Variants in ATP9A observed in about 807,000 individuals in gnomAD.
The protein encoded by ATP9A is probable phospholipid-transporting ATPase IIA.
Under a neutral mutation model 144.1 loss-of-function variants are expected in ATP9A, and 52 were observed. The observed-to-expected ratio is 0.36, with a 90% CI of 0.29 to 0.45. ATP9A has a LOEUF of 0.45. Among genes scored for constraint, ATP9A ranks in the 20% least tolerant of loss-of-function variants. The pLI, the probability that ATP9A is intolerant of heterozygous loss-of-function variation, is 1.00. For synonymous variants in ATP9A, 582 were observed against 557.4 expected (o/e 1.04, Z -0.62); for missense variants, 947 against 1,392.7 (o/e 0.68, Z 5.09).
At chr20:51,687,218 T>C (rs2122811969) in intron 9 of ATP9A, among the ~76,000 whole-genome samples, 1 of 152,238 alleles carries the variant, frequency 6.6e-6, no homozygotes, top group South Asian at 2.1e-4. Context: ...GGCCCAGGCA[T>C]GACCGTGCAG....
chr20:51,694,939 C>G (rs2077564186), intron 6 of ATP9A, among the ~76,000 whole-genome samples: 1 of 152,094 alleles, frequency 6.6e-6, no homozygotes, highest in Non-Finnish European at 1.5e-5. Context: ...AAATAGGACA[C>G]AAGAACGAAT....
intron 25 of ATP9A, 24 bp downstream of exon 25, chr20:51,608,494 G>A (rs2077172493): frequency 1.0e-5 from 15 of 1,431,560 alleles, no homozygotes; most frequent in Non-Finnish European, 1.5e-5. Flanking sequence ...AAGGAGGAAG[G>A]AGGGACTGAA....
chr20:51,669,137 G>C (rs973450375), intron 13 of ATP9A, among the ~76,000 whole-genome samples: 6 of 152,180 alleles, frequency 3.9e-5, no homozygotes, highest in African/African-American at 1.4e-4. Flanking sequence ...GAATTAGCAA[G>C]GGGTGTGTTT....
intron 11 of ATP9A, among the ~76,000 whole-genome samples, chr20:51,673,764 A>T (rs2077465880): frequency 6.6e-6 from 1 of 152,006 alleles, no homozygotes; most frequent in African/African-American, 2.4e-5. Flanking sequence ...CTCCTTCTAA[A>T]AGCCGATGGG....
At chr20:51,764,321 C>T (rs908267791) in intron 1 of ATP9A, among the ~76,000 whole-genome samples, 6 of 152,190 alleles carry the variant, frequency 3.9e-5, no homozygotes, top group African/African-American at 1.4e-4. Flanking sequence ...CTCCATTCAG[C>T]CATAAGCAAA....
At chr20:51,652,766 T>C (rs530297959) in intron 14 of ATP9A, among the ~76,000 whole-genome samples, 3 of 152,198 alleles carry the variant, frequency 2.0e-5, no homozygotes, top group South Asian at 2.1e-4. Context: ...TGTTCTACTA[T>C]AGACATAAAA....
chr20:51,679,343 AAAG>A (rs2077490633), intron 9 of ATP9A, among the ~76,000 whole-genome samples: 3 of 152,060 alleles, frequency 2.0e-5, no homozygotes, highest in African/African-American at 7.2e-5. Context: ...AATTCTAAAA[AAAG>A]AGATCTCTGG....
At chr20:51,740,480 C>A (rs1412718438) in intron 1 of ATP9A, among the ~76,000 whole-genome samples, 1 of 3,012 alleles carries the variant, frequency 3.3e-4, no homozygotes, top group Admixed American at 3.2e-3. Context: ...GAGGTCAAGG[C>A]GGGTGGATTA....
At chr20:51,753,986 T>A (rs192291720) in intron 1 of ATP9A, among the ~76,000 whole-genome samples, 1 of 152,006 alleles carries the variant, frequency 6.6e-6, no homozygotes, top group Non-Finnish European at 1.5e-5. Flanking sequence ...CTCTCATTTT[T>A]TTTTACATAG....
At chr20:51,651,010 G>A (rs370560028) in intron 14 of ATP9A, among the ~76,000 whole-genome samples, 1 of 147,942 alleles carries the variant, frequency 6.8e-6, no homozygotes, top group East Asian at 2.0e-4. Context: ...AGACAGTCTC[G>A]CTCTGTTGCC....
chr20:51,744,645 A>G (rs1345785438), intron 1 of ATP9A, among the ~76,000 whole-genome samples: 1 of 152,228 alleles, frequency 6.6e-6, no homozygotes, highest in Non-Finnish European at 1.5e-5. Flanking sequence ...TGAAAAAGGT[A>G]ACTAATGTAA....
At position 51,618,972 on chromosome 20, in the gene ATP9A, G is replaced by C; in HGVS notation, c.2187C>G (p.Ile729Met). Reference sequence around the variant, plus strand: ...AGCTCACCTCCAGGGAGTCTCCCGAGATGACCAGGGCACAATCATGCTTCC... The same window carrying C: ...AGCTCACCTCCAGGGAGTCTCCCGACATGACCAGGGCACAATCATGCTTCC... ...FRRKHDCALV[I>M]SGDSLEVCLK... is the part of the protein sequence containing the mutation. The change falls in exon 20 of 28, where the codon ATC becomes ATG. Residue 729 changes from isoleucine to methionine, a missense_variant. Physicochemically the swap from Ile to Met is conservative, Grantham distance 10. Around this residue, in one of 2 missense-constraint regions of ATP9A, gnomAD observed 770 missense variants for 1,047.9 expected, o/e 0.73. Transcript: ENST00000338821. The C allele has an allele frequency of 6.2e-7, 1 of 1,614,204 alleles. No individual in the cohort carries two copies. The highest frequency in any genetic ancestry group is 1.1e-5 in the South Asian group (1 of 91,082).
At chr20:51,730,100 T>G in intron 1 of ATP9A, 122 bp from the exon 2 acceptor site, 1 of 1,071,938 alleles carries the variant, frequency 9.3e-7, no homozygotes, top group Non-Finnish European at 1.2e-6. Flanking sequence ...ACCACAGCCA[T>G]ATTTGAGGCT....
intron 24 of ATP9A, among the ~76,000 whole-genome samples, chr20:51,609,747 A>C (rs1442879498): frequency 6.6e-6 from 1 of 151,974 alleles, no homozygotes; most frequent in Admixed American, 6.5e-5. Context: ...CAGATCCCCC[A>C]CCCCTTTTTA....
chr20:51,637,305 T>TGAAA, intron 15 of ATP9A, among the ~76,000 whole-genome samples: 1 of 36,020 alleles, frequency 2.8e-5, no homozygotes, highest in Non-Finnish European at 5.6e-5. Context: ...TTCCCTAACA[T>TGAAA]TAAAAAAAAA....
chr20:51,678,656 C>T (rs1158111884), intron 9 of ATP9A, among the ~76,000 whole-genome samples: 3 of 152,274 alleles, frequency 2.0e-5, no homozygotes, highest in South Asian at 4.1e-4. Context: ...GAACCGAGCC[C>T]GGGCTGAGCT....
intron 1 of ATP9A, among the ~76,000 whole-genome samples, chr20:51,755,966 A>G (rs1358014986): frequency 1.3e-5 from 2 of 152,204 alleles, no homozygotes; most frequent in Non-Finnish European, 2.9e-5. Context: ...AAGAAAAAAA[A>G]AAAAGTTCAT....
intron 1 of ATP9A, among the ~76,000 whole-genome samples, chr20:51,741,526 G>A (rs951708800): frequency 1.1e-4 from 17 of 150,974 alleles, no homozygotes; most frequent in Non-Finnish European, 1.9e-4. Flanking sequence ...GCAGTGAGCC[G>A]AGATCACACC....
chr20:51,768,276 GA>G (rs1258313781), intron 1 of ATP9A, 25 bp downstream of exon 1: 4 of 1,249,688 alleles, frequency 3.2e-6, no homozygotes, highest in South Asian at 3.2e-5. Context: ...GCGGACAAAG[GA>G]AAACACGGGC....
Sources: allele counts gnomAD v4.1 joint callset (sites outside exome capture counted in the v4.1 genomes callset), GRCh38; gene constraint gnomAD v4.1.1; regional missense constraint gnomAD v4.1.1; transcripts MANE v1.5; gene names NCBI Gene and HGNC (gene_info 2026-07-23, HGNC 2026-07-21).